Variants in HIGD2B observed in about 807,000 individuals in gnomAD.
HIGD2B encodes the protein HIG1 domain family member 2B.
For missense variants in HIGD2B, 106 were observed against 67.0 expected, an observed-to-expected ratio of 1.58 and a Z score of -2.03; for synonymous variants, 45 against 28.1, an observed-to-expected ratio of 1.60 and a Z score of -1.90.
intron 1 of HIGD2B, among the ~76,000 whole-genome samples, chr15:72,681,947 C>T (rs1463373631): frequency 2.6e-5 from 4 of 151,594 alleles, no homozygotes; most frequent in East Asian, 3.9e-4. Context: ...GACAGAGTTT[C>T]GTGCTGTTGC....
chr15:72,680,964 G>A (rs1380775286), intron 1 of HIGD2B, among the ~76,000 whole-genome samples: 1 of 152,126 alleles, frequency 6.6e-6, no homozygotes, highest in Admixed American at 6.5e-5. Flanking sequence ...TCATACTGTG[G>A]ACTGACAGGA....
intron 1 of HIGD2B, among the ~76,000 whole-genome samples, chr15:72,680,692 G>C (rs946850267): frequency 1.3e-5 from 2 of 152,130 alleles, no homozygotes; most frequent in African/African-American, 4.8e-5. Flanking sequence ...TTCAAGACCA[G>C]CCAGGCAAAC....
In HIGD2B at chr15:72,686,001, C is replaced by T. The variant is rs2064822378; in HGVS notation, c.-376G>A. On this transcript the variant is annotated 5_prime_UTR_variant, in exon 1 of 3. Transcript: ENST00000311755. ...AGACCACGGCGAGGGGTGTTAGGGG[C>T]TTCTCGGGATAAAGGCAGCGAGTGG... The T allele has an allele frequency of 3.7e-5, 23 of 626,500 alleles. 1 individual carries two copies. The South Asian group carries it at 4.3e-4, about 12-fold the overall frequency. The allele number at this position is 626,500 out of a possible 1,614,324, so 38.8% of individuals were successfully genotyped here.
intron 1 of HIGD2B, among the ~76,000 whole-genome samples, chr15:72,683,066 A>G (rs902157652): frequency 1.6e-4 from 24 of 152,360 alleles, no homozygotes; most frequent in Admixed American, 7.8e-4. Flanking sequence ...AATGGCTTCT[A>G]CTTTTTATCA....
rs1022806783 is a variant in HIGD2B at position 72,685,014 on chromosome 15, T to G, written c.-193+804A>C. Reference sequence around the variant, plus strand: ...TGGCCAAGCTGGAAAATTTTATTTTTAATAAATGAAAGGCAGAGTATTTAT... The same window carrying G: ...TGGCCAAGCTGGAAAATTTTATTTTGAATAAATGAAAGGCAGAGTATTTAT... On this transcript the variant is annotated intron_variant, in intron 1 of 2. Coordinates refer to ENST00000311755, the MANE Select transcript of HIGD2B (RefSeq NM_001350932.3). 2.0e-5 allele frequency among the ~76,000 whole-genome samples: 3 copies of G among 152,208 alleles called. No homozygotes were observed. The South Asian group carries it at 6.2e-4, about 31-fold the overall frequency.
chr15:72,685,500 T>A (rs1462602734), intron 1 of HIGD2B, among the ~76,000 whole-genome samples: 1 of 152,216 alleles, frequency 6.6e-6, no homozygotes, highest in Non-Finnish European at 1.5e-5. Flanking sequence ...ACACTAAACA[T>A]TTAATTCACC....
intron 1 of HIGD2B, among the ~76,000 whole-genome samples, chr15:72,681,255 C>A (rs1365359104): frequency 6.6e-6 from 1 of 152,098 alleles, no homozygotes. Flanking sequence ...CTTATAAATT[C>A]TATAGCTCAG....
intron 1 of HIGD2B, among the ~76,000 whole-genome samples, chr15:72,681,292 A>G (rs2064746814): frequency 6.6e-6 from 1 of 152,196 alleles, no homozygotes; most frequent in South Asian, 2.1e-4. Context: ...CTCCTTTTCC[A>G]GAAAATCCAG....
At position 72,676,220 on chromosome 15, in the gene HIGD2B, C is replaced by G. The variant is rs772480588; in HGVS notation, c.155G>C (p.Gly52Ala). Residue 52 changes from glycine (G) to alanine (A), a missense_variant, in exon 3 of 3, where the codon GGT (glycine) becomes GCT (alanine). Physicochemically the swap from Gly to Ala is moderately conservative, Grantham distance 60. Coordinates refer to ENST00000311755, the MANE Select transcript of HIGD2B (RefSeq NM_001350932.3). ...KTRENPVVPI[G>A]FLCTAAVLTN... ...GAGGACGGCCGCCGTGCACAGGAAA[C>G]CTATGGGTACCACCGGATTCTCGCG... 1.3e-6 allele frequency: 1 copy of G among 766,294 alleles called. No homozygotes were observed. Among genetic ancestry groups the G allele is most frequent in the South Asian group, 1.3e-5 (1 of 74,116 alleles). 47.5% of individuals were successfully genotyped at this position (766,294 alleles called of 1,614,324 possible).
chr15:72,679,841 C>T (rs2064730321), intron 2 of HIGD2B, among the ~76,000 whole-genome samples, 174 bp downstream of exon 2: 1 of 152,062 alleles, frequency 6.6e-6, no homozygotes, highest in African/African-American at 2.4e-5. Context: ...TAAGAAGCAC[C>T]AAAGCAGAAA....
chr15:72,678,012 T>C (rs1392431392), intron 2 of HIGD2B, among the ~76,000 whole-genome samples: 1 of 152,200 alleles, frequency 6.6e-6, no homozygotes, highest in East Asian at 1.9e-4. Context: ...CTCAACTCAT[T>C]ATTTTCCCTC....
intron 2 of HIGD2B, among the ~76,000 whole-genome samples, chr15:72,678,085 G>GT (rs1368395711): frequency 1.3e-5 from 2 of 152,156 alleles, no homozygotes. Context: ...GCACTGGACA[G>GT]GAGTTACAAG....
At chr15:72,683,995 T>C (rs533470156) in intron 1 of HIGD2B, among the ~76,000 whole-genome samples, 5 of 151,772 alleles carry the variant, frequency 3.3e-5, no homozygotes, top group Admixed American at 2.0e-4. Flanking sequence ...AATTAATCTC[T>C]GAAAAGTGGA....
At chr15:72,681,683 T>G (rs2064752152) in intron 1 of HIGD2B, among the ~76,000 whole-genome samples, 1 of 149,358 alleles carries the variant, frequency 6.7e-6, no homozygotes, top group South Asian at 2.2e-4. Context: ...CTCATCTCAC[T>G]GCAACCTCCA....
At chr15:72,678,149 G>A (rs981920374) in intron 2 of HIGD2B, among the ~76,000 whole-genome samples, 2 of 152,322 alleles carry the variant, frequency 1.3e-5, no homozygotes, top group African/African-American at 4.8e-5. Flanking sequence ...AGCTACAAAG[G>A]TTGGTGAATA....
intron 2 of HIGD2B, among the ~76,000 whole-genome samples, chr15:72,677,574 C>G (rs566491193): frequency 6.6e-6 from 1 of 151,842 alleles, no homozygotes; most frequent in Non-Finnish European, 1.5e-5. Context: ...CCAGCCTGGG[C>G]AATATAGCGA....
At chr15:72,684,845 G>A (rs1284784291) in intron 1 of HIGD2B, among the ~76,000 whole-genome samples, 1 of 151,842 alleles carries the variant, frequency 6.6e-6, no homozygotes, top group Non-Finnish European at 1.5e-5. Context: ...GCACAGAAAT[G>A]CGATCTCGGC....
intron 1 of HIGD2B, among the ~76,000 whole-genome samples, chr15:72,684,476 GA>G (rs1311322853): frequency 6.6e-6 from 1 of 151,946 alleles, no homozygotes; most frequent in African/African-American, 2.4e-5. Flanking sequence ...TCAATAGTGA[GA>G]CCCCTGCCTC....
intron 2 of HIGD2B, among the ~76,000 whole-genome samples, chr15:72,678,488 G>A (rs905848054): frequency 3.3e-5 from 5 of 151,968 alleles, no homozygotes; most frequent in African/African-American, 9.7e-5. Context: ...AGTTTGTAGA[G>A]ATGGGGTCTG....
Sources: allele counts gnomAD v4.1 joint callset (sites outside exome capture counted in the v4.1 genomes callset), GRCh38; gene constraint gnomAD v4.1.1; transcripts MANE v1.5; gene names NCBI Gene and HGNC (gene_info 2026-07-23, HGNC 2026-07-21).